Variants in LPL observed in about 807,000 individuals in gnomAD.
The protein encoded by LPL is lipoprotein lipase, also known as phospholipase A1.
A neutral mutation model predicts 52.2 loss-of-function variants in LPL; 43 were observed. The ratio of observed to expected loss-of-function variants is 0.82; its 90% CI spans 0.64 to 1.06. The LOEUF (loss-of-function observed/expected upper bound fraction) is 1.06. LPL is among the 50% of genes least tolerant of loss of function. The pLI is 0.00. For missense variants in LPL, 639 were observed against 585.3 expected (o/e 1.09, Z -0.95); for synonymous variants, 244 against 215.6 (o/e 1.13, Z -1.15).
chr8:19,953,087 A>G (rs2069949366), intron 3 of LPL, among the ~76,000 whole-genome samples: 1 of 152,222 alleles, frequency 6.6e-6, no homozygotes, highest in Non-Finnish European at 1.5e-5. Flanking sequence ...AGAAAGAGAA[A>G]ATCAATTCTG....
rs1424686491 is a variant in LPL at position 19,950,897 on chromosome 8, T to TGAAGGAAGGAAGGAAGGAAG, written c.250-853_250-852insGGAAGGAAGGAAGGAAGGAA. Among the ~76,000 whole-genome samples the TGAAGGAAGGAAGGAAGGAAG allele has an allele frequency of 4.0e-5, 4 of 99,820 alleles. No individual in the cohort carries two copies. The highest frequency in any genetic ancestry group is 3.0e-4 in the East Asian group (1 of 3,302). The allele number at this position is 99,820 out of a possible 152,430, so 65.5% of individuals were successfully genotyped here. On this transcript the variant is annotated intron_variant, in intron 2 of 9. Transcript: ENST00000650287. This position sits in a 1 kb window ranked among gnomAD's most constrained non-coding sequence, Gnocchi z 4.2. ...AGGGAGGGAGGAAGGAAGGAAGGAA[T>TGAAGGAAGGAAGGAAGGAAG]GAAGGAAGGAAGGAAGGAATGAAGG...
At chr8:19,943,004 G>A (rs1430690669) in intron 1 of LPL, among the ~76,000 whole-genome samples, 1 of 152,142 alleles carries the variant, frequency 6.6e-6, no homozygotes, top group Non-Finnish European at 1.5e-5. Flanking sequence ...CTGTTTGAAT[G>A]AATAAACGAA....
At chr8:19,953,843 T>C (rs771251462) in intron 4 of LPL, among the ~76,000 whole-genome samples, 3 of 152,220 alleles carry the variant, frequency 2.0e-5, no homozygotes, top group Admixed American at 6.5e-5. Context: ...CCACTGTTTA[T>C]ACATCTTCTC....
chr8:19,965,074 C>G (rs985369688), intron 9 of LPL, among the ~76,000 whole-genome samples: 1 of 151,854 alleles, frequency 6.6e-6, no homozygotes, highest in African/African-American at 2.4e-5. Flanking sequence ...CCCAGTCCTC[C>G]AAAAATGATG....
intron 6 of LPL, 62 bp downstream of exon 6, chr8:19,956,145 A>T: frequency 6.2e-7 from 1 of 1,605,090 alleles, no homozygotes; most frequent in Admixed American, 1.7e-5. Context: ...TGCTCACTGC[A>T]TCACATGTAC....
At position 19,945,442 on chromosome 8, in the gene LPL, T is replaced by A. The variant is rs192887032; in HGVS notation, c.89-2738T>A. Among the ~76,000 whole-genome samples, 18 of 152,194 alleles carry A rather than the reference T, an allele frequency of 1.2e-4. No individual in the cohort carries two copies. In the East Asian group the frequency reaches 3.3e-3, roughly 28 times the overall value. ...TGAAACCATCACAGAGCACATAGAG[T>A]GGTATATTTTCCTGTCAAATGAAAA... On this transcript the variant is annotated intron_variant, in intron 1 of 9. Coordinates refer to ENST00000650287, the MANE Select transcript of LPL (RefSeq NM_000237.3).
chr8:19,953,231 A>G, intron 3 of LPL, 79 bp from the exon 4 acceptor site: 2 of 850,658 alleles, frequency 2.4e-6, no homozygotes, highest in Non-Finnish European at 4.0e-6. Context: ...TTGGAAAACA[A>G]TATTTATATT....
intron 2 of LPL, among the ~76,000 whole-genome samples, chr8:19,951,501 G>A (rs572248025): frequency 6.6e-6 from 1 of 152,256 alleles, no homozygotes; most frequent in African/African-American, 2.4e-5. Context: ...TTTATTGAAT[G>A]TCTAAAATAT....
In LPL at chr8:19,963,450, C is replaced by A. The variant is rs190629324; in HGVS notation, c.1427+1231C>A. On this transcript the variant is annotated intron_variant, in intron 9 of 9. Transcript: ENST00000650287. ...GACTCCATCTCAAAAAAAAAAAAAACATGCCTATTAGGAAAAGTATATTAA... is the reference window on the plus strand; with the variant it reads ...GACTCCATCTCAAAAAAAAAAAAAAAATGCCTATTAGGAAAAGTATATTAA... Among the ~76,000 whole-genome samples the A allele has an allele frequency of 5.5e-3, 745 of 135,680 alleles. 9 individuals are homozygous for A. Among genetic ancestry groups the A allele is most frequent in the African/African-American group, 0.019 (686 of 35,430 alleles). The allele number at this position is 135,680 out of a possible 152,430, so 89.0% of individuals were successfully genotyped here. A position where few individuals can be genotyped will look rare whatever the true frequency, so the allele number is the denominator to read the frequency against.
chr8:19,962,071 T>C, intron 8 of LPL, 44 bp from the exon 9 acceptor site: 3 of 1,291,366 alleles, frequency 2.3e-6, no homozygotes, highest in Non-Finnish European at 3.4e-6. Flanking sequence ...AACAGTGCTT[T>C]TGATTGTTCT....
chr8:19,942,936 T>G (rs1052625723), intron 1 of LPL, among the ~76,000 whole-genome samples: 2 of 152,242 alleles, frequency 1.3e-5, no homozygotes, highest in African/African-American at 4.8e-5. Flanking sequence ...CCTTTTGCTC[T>G]TCCCAGTCTG....
At chr8:19,965,218 C>G in intron 9 of LPL, 92 bp from the exon 10 acceptor site, 1 of 765,742 alleles carries the variant, frequency 1.3e-6, no homozygotes, top group Non-Finnish European at 2.4e-6. Context: ...CATTTGAAGG[C>G]TTTTTCCATC....
At position 19,952,221 on chromosome 8, in the gene LPL, GA is replaced by G. The variant is rs1228953203; in HGVS notation, c.429+279del. Among the ~76,000 whole-genome samples the G allele has an allele frequency of 2.0e-5, 3 of 152,192 alleles. No homozygotes were observed. The East Asian group carries it at 5.8e-4, about 29-fold the overall frequency. On this transcript the variant is annotated intron_variant, in intron 3 of 9. Transcript: ENST00000650287. ...GACCAATAACTAAGTGGGCCCAACA[GA>G]AAAAAGCTTGTGATTTTCGGACAGA...
chr8:19,960,035 C>T (rs310), intron 7 of LPL, among the ~76,000 whole-genome samples: 17,211 of 151,674 alleles, frequency 0.11, 1,083 homozygotes, highest in Non-Finnish European at 0.13. Flanking sequence ...GTGATCCACC[C>T]GCCTCGGCCT....
chr8:19,951,598 G>A, intron 2 of LPL, 171 bp from the exon 3 acceptor site: 3 of 783,282 alleles, frequency 3.8e-6, no homozygotes, highest in Non-Finnish European at 2.2e-6. Flanking sequence ...GATCTGCCTT[G>A]GAAGGGACAG....
At chr8:19,949,627 C>T (rs1169068302) in intron 2 of LPL, among the ~76,000 whole-genome samples, 6 of 152,186 alleles carry the variant, frequency 3.9e-5, no homozygotes, top group South Asian at 2.1e-4. Context: ...GGACTACAGG[C>T]GCCCACCACC....
Position 19,950,829 on chromosome 8 carries a change from A to G in LPL, c.250-940A>G, listed in dbSNP as rs763811543. Among the ~76,000 whole-genome samples the G allele has an allele frequency of 1.3e-5, 2 of 150,076 alleles. No individual in the cohort carries two copies. Among genetic ancestry groups the G allele is most frequent in the Non-Finnish European group, 3.0e-5 (2 of 67,434 alleles). ...AAGAAAGGAAAGAAAGGAGGGAAAG[A>G]AAGGAAGGAATGAAAGGAAGGAAGG... On this transcript the variant is annotated intron_variant, in intron 2 of 9. Coordinates refer to ENST00000650287, the MANE Select transcript of LPL (RefSeq NM_000237.3). This position sits in a 1 kb window ranked among gnomAD's most constrained non-coding sequence, Gnocchi z 4.2.
At chr8:19,955,688 C>T (rs938149544) in intron 5 of LPL, among the ~76,000 whole-genome samples, 153 bp from the exon 6 acceptor site, 8 of 152,168 alleles carry the variant, frequency 5.3e-5, no homozygotes, top group Non-Finnish European at 1.5e-5. Flanking sequence ...AAGAATATCT[C>T]CTGAAATAGG....
intron 3 of LPL, 65 bp from the exon 4 acceptor site, chr8:19,953,245 T>G (rs1747252799): frequency 1.1e-6 from 1 of 934,228 alleles, no homozygotes; most frequent in Non-Finnish European, 1.8e-6. Context: ...TTATATTCAT[T>G]TTGTTTCTTT....
Sources: allele counts gnomAD v4.1 joint callset (sites outside exome capture counted in the v4.1 genomes callset), GRCh38; gene constraint gnomAD v4.1.1; non-coding constraint Gnocchi (gnomAD v3.1); transcripts MANE v1.5; gene names NCBI Gene and HGNC (gene_info 2026-07-23, HGNC 2026-07-21).